The following GLP2R variants were observed in gnomAD, a reference collection of about 807,000 sequenced individuals.
GLP2R encodes glucagon-like peptide 2 receptor.
GLP2R carries 59 observed loss-of-function variants against 68.2 expected under a neutral mutation model. The observed-to-expected ratio is 0.87, with a 90% CI of 0.70 to 1.07. The LOEUF is 1.07. GLP2R is among the 50% of genes least tolerant of loss of function. The pLI is 0.00. For missense variants in GLP2R, 548 were observed against 677.4 expected (o/e 0.81, Z 2.12); for synonymous variants, 270 against 265.4 (o/e 1.02, Z -0.17).
At chr17:9,872,686 C>T (rs965403463) in intron 10 of GLP2R, among the ~76,000 whole-genome samples, 6 of 152,202 alleles carry the variant, frequency 3.9e-5, no homozygotes, top group Non-Finnish European at 7.3e-5. Flanking sequence ...GGAGGTGGAA[C>T]GGAGGGAGCT....
chr17:9,878,812 C>G (rs555003552), intron 10 of GLP2R, among the ~76,000 whole-genome samples: 1 of 152,176 alleles, frequency 6.6e-6, no homozygotes, highest in African/African-American at 2.4e-5. Context: ...CAGAGTTAAA[C>G]CTTCCTTAAG....
intron 6 of GLP2R, 26 bp downstream of exon 6, chr17:9,857,602 C>T (rs2066946263): frequency 6.2e-7 from 1 of 1,610,648 alleles, no homozygotes; most frequent in South Asian, 1.1e-5. Flanking sequence ...ACTGTTTACA[C>T]TGGACTCCCC....
intron 4 of GLP2R, among the ~76,000 whole-genome samples, chr17:9,843,767 G>C (rs536061496): frequency 6.6e-6 from 1 of 152,348 alleles, no homozygotes; most frequent in South Asian, 2.1e-4. Flanking sequence ...TTGGGGATCA[G>C]ACAGATATCT....
At chr17:9,865,754 A>G in intron 9 of GLP2R, 1 of 465,156 alleles carries the variant, frequency 2.1e-6, no homozygotes, top group Non-Finnish European at 4.5e-6. Context: ...GTCAACAGGC[A>G]TGCCTAGAAG....
chr17:9,826,220 C>A lies in GLP2R; in HGVS notation c.157C>A (p.Leu53Ile), dbSNP rs749810328. Residue 53 changes from leucine (L) to isoleucine (I), a missense_variant, in exon 1 of 13, where the codon CTC becomes ATC. By Grantham distance (5) the Leu-to-Ile change is conservative (BLOSUM62 2). Transcript: ENST00000262441. ...CSLWAPGRPF[L>I]TLVLLVSIKQ... ...TCTCTGGGCCCCTGGGAGGCCCTTC[C>A]TCACTCTGGTCCTGCTGGTTTCCAT... 9.9e-6 allele frequency: 16 copies of A among 1,611,644 alleles called. No individual in the cohort carries two copies. Among genetic ancestry groups the A allele is most frequent in the Non-Finnish European group, 1.4e-5 (16 of 1,179,290 alleles).
At chr17:9,878,164 G>T (rs1159849597) in intron 10 of GLP2R, among the ~76,000 whole-genome samples, 1 of 152,120 alleles carries the variant, frequency 6.6e-6, no homozygotes, top group African/African-American at 2.4e-5. Context: ...TACAAGCCGG[G>T]TGGGGGCTGG....
intron 4 of GLP2R, among the ~76,000 whole-genome samples, chr17:9,854,194 T>C (rs1165680525): frequency 6.6e-6 from 1 of 152,196 alleles, no homozygotes; most frequent in Non-Finnish European, 1.5e-5. Context: ...ATCCTCTTGT[T>C]CTGAACGCAA....
In GLP2R at chr17:9,890,160, A is replaced by G. The variant is rs1483138523; in HGVS notation, c.*455A>G. ...AGACTTGTGGCTAAGATTCTAAGAC[A>G]GTGAGTCTGGGACCATGGCCAGGAA... On this transcript the variant is annotated 3_prime_UTR_variant, in exon 13 of 13. Transcript: ENST00000262441. The G allele has an allele frequency of 2.3e-6, 1 of 428,090 alleles. No individual in the cohort carries two copies. Among genetic ancestry groups the G allele is most frequent in the Non-Finnish European group, 4.6e-6 (1 of 215,570 alleles). 26.5% of individuals were successfully genotyped at this position (428,090 alleles called of 1,614,324 possible).
intron 9 of GLP2R, chr17:9,866,496 C>T (rs2067038320): frequency 6.5e-6 from 1 of 153,602 alleles, no homozygotes; most frequent in African/African-American, 2.4e-5. Flanking sequence ...CATTGAAAAA[C>T]CCTGGACTAG....
intron 11 of GLP2R, among the ~76,000 whole-genome samples, chr17:9,886,933 T>C (rs1479368743): frequency 6.6e-6 from 1 of 152,166 alleles, no homozygotes; most frequent in Non-Finnish European, 1.5e-5. Flanking sequence ...TGCACACACA[T>C]CCAGTTCCAA....
chr17:9,865,885 G>T (rs1239257130), intron 9 of GLP2R: 3 of 471,018 alleles, frequency 6.4e-6, no homozygotes. Flanking sequence ...CATTCCCTTT[G>T]GTCACAAGGA....
At chr17:9,832,941 C>T (rs2066693687) in intron 1 of GLP2R, among the ~76,000 whole-genome samples, 2 of 152,050 alleles carry the variant, frequency 1.3e-5, no homozygotes, top group East Asian at 3.9e-4. Context: ...TCTCTTTGTA[C>T]TGAACCCACT....
intron 11 of GLP2R, among the ~76,000 whole-genome samples, chr17:9,881,404 G>A (rs573559551): frequency 4.5e-4 from 40 of 89,360 alleles, no homozygotes; most frequent in Non-Finnish European, 1.0e-3. Context: ...TTTTTGAGAC[G>A]GAGTCTCGCT....
chr17:9,880,349 C>T lies in GLP2R; in HGVS notation c.1146-29C>T, dbSNP rs571941127. 227 of 1,514,798 alleles carry T rather than the reference C, an allele frequency of 1.5e-4. 2 individuals carry two copies. The South Asian group carries it at 2.7e-3, about 18-fold the overall frequency. 93.8% of individuals were successfully genotyped at this position (1,514,798 alleles called of 1,614,324 possible). On this transcript the variant is annotated intron_variant, in intron 10 of 12. Transcript: ENST00000262441. ...TGTTGCTTGTTCCCCATGTGGCCCT[C>T]TTGACTGTTATTTGGTTGTCATTTA...
Position 9,890,280 on chromosome 17 carries a change from T to A in GLP2R, c.*575T>A, listed in dbSNP as rs2067280399. 8.9e-6 allele frequency: 3 copies of A among 338,760 alleles called. No individual in the cohort carries two copies. The highest frequency in any genetic ancestry group is 4.0e-5 in the Admixed American group (1 of 25,084). 21.0% of individuals were successfully genotyped at this position (338,760 alleles called of 1,614,324 possible). On this transcript the variant is annotated 3_prime_UTR_variant, in exon 13 of 13. Coordinates refer to ENST00000262441, the MANE Select transcript of GLP2R (RefSeq NM_004246.3). ...TGAGAGGGAGCTAGAAGCGCCCCCA[T>A]GTGGCCATGGCAGGATGCTGCAAGA... is the stretch of plus-strand genomic sequence containing the variant.
intron 11 of GLP2R, among the ~76,000 whole-genome samples, chr17:9,883,459 A>T (rs2067214950): frequency 6.6e-6 from 1 of 152,222 alleles, no homozygotes; most frequent in Admixed American, 6.5e-5. Context: ...ATAATGGTTG[A>T]AAATTTTCCA....
chr17:9,840,947 T>G (rs1006063109), intron 3 of GLP2R, among the ~76,000 whole-genome samples: 1 of 151,216 alleles, frequency 6.6e-6, no homozygotes, highest in African/African-American at 2.4e-5. Flanking sequence ...GGGGGCTTCG[T>G]GAAAGGCCAG....
intron 1 of GLP2R, among the ~76,000 whole-genome samples, chr17:9,832,745 TAAATAAAATAA>T (rs1567716798): frequency 2.6e-5 from 4 of 151,452 alleles, no homozygotes; most frequent in African/African-American, 9.7e-5. Flanking sequence ...AAAAAGTAAA[TAAATAAAATAA>T]AAATAAAATC....
chr17:9,843,266 A>C (rs2066805478), intron 4 of GLP2R, among the ~76,000 whole-genome samples: 1 of 152,090 alleles, frequency 6.6e-6, no homozygotes, highest in African/African-American at 2.4e-5. Context: ...TATCCTTGGG[A>C]TTTTCCACAG....
Sources: allele counts gnomAD v4.1 joint callset (sites outside exome capture counted in the v4.1 genomes callset), GRCh38; gene constraint gnomAD v4.1.1; transcripts MANE v1.5; gene names NCBI Gene and HGNC (gene_info 2026-07-23, HGNC 2026-07-21).